Variants in PTPRO observed in about 807,000 individuals in gnomAD.
PTPRO encodes receptor-type tyrosine-protein phosphatase O.
In PTPRO, 62 loss-of-function variants were observed where a neutral mutation model predicts 145.2. The observed-to-expected ratio is 0.43, with a 90% CI of 0.35 to 0.53. PTPRO has a LOEUF of 0.53. PTPRO is among the 20% of genes least tolerant of loss of function. PTPRO has a pLI of 0.01. For missense variants in PTPRO, 1,345 were observed against 1,482.7 expected (o/e 0.91, Z 1.53); for synonymous variants, 565 against 514.7 (o/e 1.10, Z -1.32).
intron 12 of PTPRO, among the ~76,000 whole-genome samples, chr12:15,528,255 A>G (rs908591520): frequency 2.6e-5 from 4 of 151,496 alleles, no homozygotes; most frequent in Admixed American, 1.3e-4. Context: ...GGTGGCTCAC[A>G]CCTGTAATCC....
At chr12:15,502,204 T>C in intron 5 of PTPRO, 141 bp downstream of exon 5, 1 of 863,030 alleles carries the variant, frequency 1.2e-6, no homozygotes, top group Non-Finnish European at 1.8e-6. Flanking sequence ...GAGAATTTAA[T>C]TGAGTATCCA....
At chr12:15,349,225 A>T (rs1280148632) in intron 1 of PTPRO, among the ~76,000 whole-genome samples, 1 of 152,226 alleles carries the variant, frequency 6.6e-6, no homozygotes, top group Non-Finnish European at 1.5e-5. Flanking sequence ...AACCATTTTA[A>T]GATGGGTCCT....
At chr12:15,448,362 C>CAAAAAAAAAAAAAAAAA (rs1555164031) in intron 1 of PTPRO, among the ~76,000 whole-genome samples, 4 of 12,742 alleles carry the variant, frequency 3.1e-4, no homozygotes, top group Non-Finnish European at 1.5e-3. Context: ...AAAAAAAAAG[C>CAAAAAAAAAAAAAAAAA]ACCGATTGAG....
intron 17 of PTPRO, among the ~76,000 whole-genome samples, chr12:15,564,583 G>A (rs1254462182): frequency 3.3e-5 from 5 of 152,146 alleles, no homozygotes; most frequent in African/African-American, 7.2e-5. Flanking sequence ...GTACTGCTTC[G>A]TCCTGCTAAA....
chr12:15,353,276 T>A (rs1937871936), intron 1 of PTPRO, among the ~76,000 whole-genome samples: 1 of 152,182 alleles, frequency 6.6e-6, no homozygotes, highest in Non-Finnish European at 1.5e-5. Context: ...CAAATGGAAT[T>A]AAAGATAAAA....
chr12:15,326,458 CGTT>C (rs1481696010), intron 1 of PTPRO, among the ~76,000 whole-genome samples: 1 of 152,134 alleles, frequency 6.6e-6, no homozygotes, highest in Non-Finnish European at 1.5e-5. Context: ...GAGAGACTAT[CGTT>C]GTGTGAAGGA....
chr12:15,528,480 G>T (rs952613473), intron 12 of PTPRO, among the ~76,000 whole-genome samples: 1 of 147,796 alleles, frequency 6.8e-6, no homozygotes, highest in Non-Finnish European at 1.5e-5. Context: ...AGCCGAGATC[G>T]CACCACTGCA....
chr12:15,429,779 G>C (rs1382908929), intron 1 of PTPRO, among the ~76,000 whole-genome samples: 1 of 152,174 alleles, frequency 6.6e-6, no homozygotes, highest in Non-Finnish European at 1.5e-5. Flanking sequence ...ATGAGTGTAA[G>C]AGGAGACTAT....
intron 15 of PTPRO, 137 bp from the exon 16 acceptor site, chr12:15,557,318 C>A: frequency 3.7e-6 from 3 of 810,918 alleles, no homozygotes; most frequent in Non-Finnish European, 6.2e-6. Flanking sequence ...GCGTGAGCCA[C>A]CGCACCTGGC....
chr12:15,462,623 T>A (rs538514129), intron 1 of PTPRO, among the ~76,000 whole-genome samples: 2 of 152,350 alleles, frequency 1.3e-5, no homozygotes, highest in East Asian at 3.9e-4. Flanking sequence ...GCACTAAAAA[T>A]AATTGCTTGA....
chr12:15,517,581 G>A (rs1438309618), intron 9 of PTPRO, among the ~76,000 whole-genome samples: 1 of 152,172 alleles, frequency 6.6e-6, no homozygotes, highest in Non-Finnish European at 1.5e-5. Context: ...CTATGAGTCT[G>A]TAAAATCAAA....
At chr12:15,474,722 C>T (rs543883744) in intron 1 of PTPRO, among the ~76,000 whole-genome samples, 2 of 152,234 alleles carry the variant, frequency 1.3e-5, no homozygotes, top group South Asian at 4.2e-4. Context: ...TTGGACTTGC[C>T]TACATTTATC....
At chr12:15,405,532 A>G (rs11056461) in intron 1 of PTPRO, among the ~76,000 whole-genome samples, 28,101 of 152,122 alleles carry the variant, frequency 0.18, 2,717 homozygotes, top group South Asian at 0.22. Flanking sequence ...CAAATGGGAA[A>G]AGGCATTATT....
intron 1 of PTPRO, among the ~76,000 whole-genome samples, chr12:15,476,527 C>T (rs984241256): frequency 4.0e-5 from 6 of 151,222 alleles, no homozygotes; most frequent in African/African-American, 1.5e-4. Flanking sequence ...CCTGTTCACT[C>T]TGATGGTAGT....
chr12:15,365,591 C>CTA (rs1243283878), intron 1 of PTPRO, among the ~76,000 whole-genome samples: 4 of 152,214 alleles, frequency 2.6e-5, no homozygotes, highest in East Asian at 3.9e-4. Flanking sequence ...TTTTCATTAG[C>CTA]TATAGAAACT....
intron 1 of PTPRO, among the ~76,000 whole-genome samples, chr12:15,408,516 C>A (rs1591785022): frequency 1.3e-5 from 2 of 152,282 alleles, no homozygotes; most frequent in East Asian, 3.9e-4. Context: ...CAAACTCCGC[C>A]TCCTGGGTTC....
At chr12:15,479,704 G>A (rs747483037) in intron 1 of PTPRO, among the ~76,000 whole-genome samples, 49 of 152,216 alleles carry the variant, frequency 3.2e-4, no homozygotes, top group Non-Finnish European at 5.7e-4. Flanking sequence ...CAAGACAGTA[G>A]CAGAATACAC....
At chr12:15,586,848 A>G (rs763225793) in intron 23 of PTPRO, 49 bp from the exon 24 acceptor site, 17 of 1,610,308 alleles carry the variant, frequency 1.1e-5, no homozygotes, top group Non-Finnish European at 1.4e-5. Context: ...GGGTCATCCT[A>G]ACAGTGAACT....
intron 12 of PTPRO, among the ~76,000 whole-genome samples, chr12:15,544,217 G>T (rs757196605): frequency 6.6e-6 from 1 of 152,058 alleles, no homozygotes; most frequent in Non-Finnish European, 1.5e-5. Context: ...ATTAAAGGAG[G>T]CCGGGGGTGG....
Sources: gnomAD v4.1 joint callset for allele counts (sites outside exome capture counted in the v4.1 genomes callset) on GRCh38, gnomAD v4.1.1 for gene constraint, MANE v1.5 for transcripts, NCBI Gene and HGNC (gene_info 2026-07-23, HGNC 2026-07-21) for gene names.